ITGA11: variants seen among roughly 807,000 people sequenced by gnomAD.
ITGA11 encodes integrin subunit alpha 11.
In ITGA11, 97 loss-of-function variants were observed where a neutral mutation model predicts 141.9. The observed-to-expected ratio is 0.68, with a 90% confidence interval of 0.58 to 0.81. ITGA11 has a LOEUF of 0.81. Among genes scored for constraint, ITGA11 ranks in the 30% least tolerant of loss-of-function variants. The pLI is 0.00. For synonymous variants in ITGA11, 658 were observed against 624.6 expected (o/e 1.05, Z -0.80); for missense variants, 1,387 against 1,559.2 (o/e 0.89, Z 1.86).
intron 15 of ITGA11, among the ~76,000 whole-genome samples, chr15:68,330,004 C>G (rs1033825626): frequency 4.6e-5 from 7 of 152,218 alleles, no homozygotes; most frequent in African/African-American, 1.7e-4. Flanking sequence ...TGTTTTACGC[C>G]ACACTGGAAA....
chr15:68,369,139 G>A lies in ITGA11; in HGVS notation c.265+45C>T, dbSNP rs752266177. 2.1e-6 allele frequency: 3 copies of A among 1,413,574 alleles called. No individual in the cohort carries two copies. The Admixed American group carries it at 5.0e-5, about 24-fold the overall frequency. 87.6% of individuals were successfully genotyped at this position (1,413,574 alleles called of 1,614,324 possible). On this transcript the variant is annotated intron_variant, in intron 3 of 29. Coordinates refer to ENST00000315757, the MANE Select transcript of ITGA11 (RefSeq NM_001004439.2). Reference sequence around the variant, plus strand: ...GTGCATCAGAGCCTGCCTTGTGTTAGACAACCGCTGGCCTCATTGTGAAGA... The same window carrying A: ...GTGCATCAGAGCCTGCCTTGTGTTAAACAACCGCTGGCCTCATTGTGAAGA...
chr15:68,400,905 T>TTATATAATAAATATTATATTA (rs1896488853), intron 2 of ITGA11, among the ~76,000 whole-genome samples: 1 of 95,196 alleles, frequency 1.1e-5, no homozygotes, highest in African/African-American at 4.9e-5. Flanking sequence ...ATATTATATA[T>TTATATAATAAATATTATATTA]TATATAATAA....
In ITGA11 at chr15:68,321,462, G is replaced by C. The variant is rs1448298588; in HGVS notation, c.2364C>G (p.Val788=). 1.9e-6 allele frequency: 3 copies of C among 1,594,294 alleles called. No homozygotes were observed. The highest frequency in any genetic ancestry group is 2.6e-6 in the Non-Finnish European group (3 of 1,170,426). ...TCCGGGCATCCAACACAAGGTCAGGGACACAGTGCTCATCCTCATTGCAGC... is the reference window on the plus strand; with the variant it reads ...TCCGGGCATCCAACACAAGGTCAGGCACACAGTGCTCATCCTCATTGCAGC... ...WNGCNEDEHC[V]PDLVLDARSD... is the part of the protein sequence containing the mutation. Residue 788 remains valine, a synonymous_variant, in exon 19 of 30, where the codon GTC becomes GTG. Coordinates refer to ENST00000315757, the MANE Select transcript of ITGA11 (RefSeq NM_001004439.2). The surrounding 1 kb of genome is among the most constrained non-coding windows in gnomAD (Gnocchi z 4.9).
intron 24 of ITGA11, 79 bp from the exon 25 acceptor site, chr15:68,311,482 C>T (rs544317374): frequency 2.0e-6 from 2 of 988,694 alleles, no homozygotes; most frequent in Admixed American, 2.0e-5. Context: ...CCAACCAGCC[C>T]CTGGGGGTGG....
At chr15:68,425,719 T>G (rs1897127730) in intron 1 of ITGA11, among the ~76,000 whole-genome samples, 1 of 152,210 alleles carries the variant, frequency 6.6e-6, no homozygotes, top group South Asian at 2.1e-4. Context: ...ATTTCACAAT[T>G]TTTCCATGGC....
chr15:68,422,460 T>A (rs1387861813), intron 1 of ITGA11, among the ~76,000 whole-genome samples: 1 of 152,122 alleles, frequency 6.6e-6, no homozygotes, highest in East Asian at 1.9e-4. Flanking sequence ...CATTTCACTC[T>A]GGTGTCCCCT....
intron 22 of ITGA11, among the ~76,000 whole-genome samples, chr15:68,314,439 A>G (rs943766270): frequency 9.8e-5 from 15 of 152,294 alleles, no homozygotes; most frequent in African/African-American, 3.4e-4. Flanking sequence ...TCTGAGCACC[A>G]TGAACTACCG....
chr15:68,387,269 T>C (rs190338561), intron 2 of ITGA11, among the ~76,000 whole-genome samples: 1 of 152,226 alleles, frequency 6.6e-6, no homozygotes, highest in East Asian at 1.9e-4. Context: ...CTCCGCTGTC[T>C]CTGGGCTCTC....
chr15:68,311,046 G>C lies in ITGA11; in HGVS notation c.3122C>G (p.Thr1041Ser), dbSNP rs909209671. Reference protein sequence around the residue: ...NTSCNIWGNSTEYRPTPVEED... With the variant: ...NTSCNIWGNSSEYRPTPVEED... The stretch of plus-strand genomic sequence containing the variant: ...CTCCACTGGGGTGGGCCGGTACTCA[G>C]TGCTATTGCCCCAGATGTTACAGGA... Residue 1041 changes from threonine to serine, a missense_variant, in exon 26 of 30, where the codon ACT becomes AGT. Physicochemically the swap from Thr to Ser is moderately conservative, Grantham distance 58. Coordinates refer to ENST00000315757, the MANE Select transcript of ITGA11 (RefSeq NM_001004439.2). 8 of 1,607,908 alleles carry C rather than the reference G, an allele frequency of 5.0e-6. No individual in the cohort carries two copies. Among genetic ancestry groups the C allele is most frequent in the Non-Finnish European group, 5.9e-6 (7 of 1,177,238 alleles).
chr15:68,424,834 A>G (rs755197065), intron 1 of ITGA11, among the ~76,000 whole-genome samples: 3 of 152,230 alleles, frequency 2.0e-5, no homozygotes, highest in Non-Finnish European at 4.4e-5. Flanking sequence ...AGATCCCCTA[A>G]AAAGGTTCCC....
chr15:68,399,443 A>C (rs528758669), intron 2 of ITGA11, among the ~76,000 whole-genome samples: 69 of 152,248 alleles, frequency 4.5e-4, no homozygotes, highest in African/African-American at 1.7e-3. Flanking sequence ...TTGACCCAGC[A>C]ATCCCAATTA....
chr15:68,428,211 G>C (rs1397224844), intron 1 of ITGA11, among the ~76,000 whole-genome samples: 1 of 152,218 alleles, frequency 6.6e-6, no homozygotes, highest in Non-Finnish European at 1.5e-5. Context: ...AGCAAAGCCA[G>C]CTCAGCTTAG....
chr15:68,402,861 G>T, intron 2 of ITGA11, 57 bp downstream of exon 2: 1 of 1,208,414 alleles, frequency 8.3e-7, no homozygotes, highest in South Asian at 1.3e-5. Flanking sequence ...GGGCAGGATG[G>T]AGGGGGCTGG....
chr15:68,392,477 T>G (rs1489732338), intron 2 of ITGA11, among the ~76,000 whole-genome samples: 1 of 151,894 alleles, frequency 6.6e-6, no homozygotes, highest in African/African-American at 2.4e-5. Flanking sequence ...GGGATTGGAG[T>G]TGGGGCTGCA....
chr15:68,379,758 G>C (rs574209439), intron 2 of ITGA11, among the ~76,000 whole-genome samples: 1 of 152,348 alleles, frequency 6.6e-6, no homozygotes, highest in Admixed American at 6.5e-5. Context: ...GTCATGCTCA[G>C]AGGTTTTTTT....
At chr15:68,373,969 G>T (rs1459170241) in intron 2 of ITGA11, among the ~76,000 whole-genome samples, 2 of 152,142 alleles carry the variant, frequency 1.3e-5, no homozygotes, top group African/African-American at 4.8e-5. Flanking sequence ...ACCTTTTACT[G>T]CATAGTAAGT....
At chr15:68,306,753 T>C (rs1327636846) in intron 28 of ITGA11, among the ~76,000 whole-genome samples, 1 of 152,220 alleles carries the variant, frequency 6.6e-6, no homozygotes, top group Admixed American at 6.5e-5. Context: ...AGCATCTCCC[T>C]GGGGTGGTGT....
intron 5 of ITGA11, among the ~76,000 whole-genome samples, chr15:68,360,857 A>T (rs187614013): frequency 4.3e-4 from 65 of 152,052 alleles, no homozygotes; most frequent in Admixed American, 3.7e-3. Flanking sequence ...CCCCAGCCCC[A>T]TCTGACTCGG....
intron 15 of ITGA11, among the ~76,000 whole-genome samples, chr15:68,330,458 T>C (rs1446039146): frequency 2.0e-5 from 3 of 151,098 alleles, no homozygotes; most frequent in Non-Finnish European, 4.4e-5. Context: ...AAATATCTCA[T>C]CAACATATAT....
Sources: gnomAD v4.1 joint callset for allele counts (sites outside exome capture counted in the v4.1 genomes callset) on GRCh38, gnomAD v4.1.1 for gene constraint, Gnocchi (gnomAD v3.1) non-coding constraint, MANE v1.5 for transcripts, NCBI Gene and HGNC (gene_info 2026-07-23, HGNC 2026-07-21) for gene names.